The following CADPS2 variants were observed in gnomAD, a reference collection of about 807,000 sequenced individuals.
The protein encoded by CADPS2 is calcium-dependent secretion activator 2.
A neutral mutation model predicts 172.5 loss-of-function variants in CADPS2; 93 were observed. That is an observed-to-expected ratio of 0.54 (90% CI 0.46 to 0.64). The LOEUF is 0.64. Among genes scored for constraint, CADPS2 ranks in the 30% least tolerant of loss-of-function variants. The probability of loss-of-function intolerance (pLI) is 0.00; values close to 1 mark genes in which losing one functional copy is unlikely to be tolerated. For synonymous variants in CADPS2, 546 were observed against 555.2 expected (o/e 0.98, Z 0.23); for missense variants, 1,420 against 1,565.9 (o/e 0.91, Z 1.57).
At chr7:122,837,923 A>G (rs1186641527) in intron 1 of CADPS2, among the ~76,000 whole-genome samples, 1 of 152,204 alleles carries the variant, frequency 6.6e-6, no homozygotes, top group Non-Finnish European at 1.5e-5. Context: ...TCCCTAACTC[A>G]TTTTATGAGG....
intron 2 of CADPS2, chr7:122,702,139 G>C: frequency 6.2e-7 from 1 of 1,613,698 alleles, no homozygotes; most frequent in South Asian, 1.1e-5. Context: ...CTAAGTAAAA[G>C]TAGGCAATTG....
intron 2 of CADPS2, among the ~76,000 whole-genome samples, chr7:122,700,032 A>G (rs1228772444): frequency 6.6e-6 from 1 of 152,164 alleles, no homozygotes; most frequent in Non-Finnish European, 1.5e-5. Flanking sequence ...TTTTTGCCAC[A>G]ATCATGTCAG....
At chr7:122,414,213 T>A in intron 18 of CADPS2, 137 bp from the exon 19 acceptor site, 1 of 525,036 alleles carries the variant, frequency 1.9e-6, no homozygotes, top group Non-Finnish European at 3.2e-6. Flanking sequence ...ATAATGATTA[T>A]CTCTATTTAA....
At chr7:122,418,281 T>C (rs1257471687) in intron 17 of CADPS2, among the ~76,000 whole-genome samples, 1 of 152,230 alleles carries the variant, frequency 6.6e-6, no homozygotes, top group Non-Finnish European at 1.5e-5. Flanking sequence ...TTGTTTTTTA[T>C]TCATGTAACT....
intron 25 of CADPS2, 31 bp downstream of exon 25, chr7:122,379,337 G>T: frequency 2.2e-6 from 3 of 1,374,642 alleles, no homozygotes; most frequent in South Asian, 2.7e-5. Flanking sequence ...TTTTCACTTT[G>T]ATTTAAAAAG....
intron 28 of CADPS2, among the ~76,000 whole-genome samples, chr7:122,337,479 C>T (rs1214609014): frequency 6.6e-6 from 1 of 152,182 alleles, no homozygotes; most frequent in Non-Finnish European, 1.5e-5. Context: ...AATACACTTT[C>T]TGGTTGAGTT....
intron 19 of CADPS2, 97 bp downstream of exon 19, chr7:122,413,971 G>A: frequency 9.8e-7 from 1 of 1,020,342 alleles, no homozygotes; most frequent in Non-Finnish European, 1.5e-6. Flanking sequence ...AGGACTAATT[G>A]GCTTTAAAAT....
intron 9 of CADPS2, among the ~76,000 whole-genome samples, chr7:122,502,461 A>G (rs2059281310): frequency 6.6e-6 from 1 of 151,842 alleles, no homozygotes; most frequent in African/African-American, 2.4e-5. Flanking sequence ...TAATTTTTAT[A>G]CTATAATAGT....
intron 8 of CADPS2, among the ~76,000 whole-genome samples, chr7:122,516,089 G>A (rs959791837): frequency 1.3e-5 from 2 of 152,094 alleles, no homozygotes; most frequent in African/African-American, 4.8e-5. Context: ...GTTAGTAGAA[G>A]ATGTTATAAG....
chr7:122,380,220 G>A (rs1322161344), intron 24 of CADPS2, among the ~76,000 whole-genome samples: 1 of 152,002 alleles, frequency 6.6e-6, no homozygotes, highest in Non-Finnish European at 1.5e-5. Context: ...GGCTTCCAAG[G>A]CTTGTGAAGG....
intron 1 of CADPS2, among the ~76,000 whole-genome samples, chr7:122,738,395 G>A (rs528086222): frequency 1.5e-4 from 22 of 151,618 alleles, no homozygotes; most frequent in African/African-American, 5.3e-4. Context: ...CTTAGGTAAT[G>A]CAGAAGCTTT....
rs538349855 is a variant in CADPS2 at position 122,595,265 on chromosome 7, A to G, written c.1224-13975T>C. Among the ~76,000 whole-genome samples the G allele has an allele frequency of 6.9e-4, 105 of 152,178 alleles. 1 individual carries two copies. Among genetic ancestry groups the G allele is most frequent in the African/African-American group, 2.4e-3 (100 of 41,574 alleles). The stretch of plus-strand genomic sequence containing the variant: ...ATATAGGGTTGCAAACTATGAGGTT[A>G]TAATTATCACTAGGTAATCAGTTCA... On this transcript the variant is annotated intron_variant, in intron 6 of 29. Transcript: ENST00000449022.
chr7:122,459,740 T>C lies in CADPS2; in HGVS notation c.2187-8265A>G, dbSNP rs2054225027. On this transcript the variant is annotated intron_variant, in intron 14 of 29. Transcript: ENST00000449022. Reference sequence around the variant, plus strand: ...GTCCATAATATATCACCTATAAAATTTGTAAACAGATGGCCCAATGTCATT... The same window carrying C: ...GTCCATAATATATCACCTATAAAATCTGTAAACAGATGGCCCAATGTCATT... Among the ~76,000 whole-genome samples, 3 of 152,302 alleles carry C rather than the reference T, an allele frequency of 2.0e-5. No homozygotes were observed. The South Asian group carries it at 6.2e-4, about 32-fold the overall frequency.
At chr7:122,799,146 T>A (rs1221548352) in intron 1 of CADPS2, among the ~76,000 whole-genome samples, 2 of 152,110 alleles carry the variant, frequency 1.3e-5, no homozygotes, top group African/African-American at 2.4e-5. Flanking sequence ...AATATGGCCA[T>A]TTCCTTTAAA....
intron 2 of CADPS2, among the ~76,000 whole-genome samples, chr7:122,705,639 A>ATT: frequency 2.1e-5 from 2 of 93,510 alleles, no homozygotes; most frequent in East Asian, 2.4e-4. Flanking sequence ...TATGATATAT[A>ATT]ATATATTATA....
intron 1 of CADPS2, among the ~76,000 whole-genome samples, chr7:122,861,748 G>A (rs1256042111): frequency 1.3e-5 from 2 of 152,154 alleles, no homozygotes; most frequent in Non-Finnish European, 2.9e-5. Flanking sequence ...CGATCATTAC[G>A]CACTATGCGT....
chr7:122,611,654 T>TA (rs1265049191), intron 6 of CADPS2, among the ~76,000 whole-genome samples: 1 of 151,952 alleles, frequency 6.6e-6, no homozygotes, highest in Non-Finnish European at 1.5e-5. Flanking sequence ...CAAATGCTTT[T>TA]AAAAAATACA....
chr7:122,415,990 T>A, intron 18 of CADPS2, 71 bp downstream of exon 18: 1 of 898,246 alleles, frequency 1.1e-6, no homozygotes, highest in Non-Finnish European at 1.6e-6. Context: ...GCAGGCCACT[T>A]ATTCAGTGTA....
intron 7 of CADPS2, among the ~76,000 whole-genome samples, chr7:122,577,920 G>T (rs1465771205): frequency 6.6e-6 from 1 of 151,694 alleles, no homozygotes; most frequent in African/African-American, 2.4e-5. Flanking sequence ...AAATTTAAAT[G>T]CTACCCGAAT....
Sources: allele counts gnomAD v4.1 joint callset (sites outside exome capture counted in the v4.1 genomes callset), GRCh38; gene constraint gnomAD v4.1.1; transcripts MANE v1.5; gene names NCBI Gene and HGNC (gene_info 2026-07-23, HGNC 2026-07-21).